CUBN: variants seen among roughly 807,000 people sequenced by gnomAD.
The protein encoded by CUBN is 460 kDa receptor.
In CUBN, 282 loss-of-function variants were observed where a neutral mutation model predicts 405.3. The ratio of observed to expected loss-of-function variants is 0.70; its 90% confidence interval spans 0.63 to 0.77. The LOEUF (loss-of-function observed/expected upper bound fraction) is 0.77. Ranked by LOEUF, CUBN falls within the 30% of genes least tolerant of loss-of-function variation. The pLI is 0.00. For missense variants in CUBN, 4,514 were observed against 4,475.2 expected (o/e 1.01, Z -0.25); for synonymous variants, 1,684 against 1,617.0 (o/e 1.04, Z -0.99).
rs956777973 is a variant in CUBN at position 17,105,676 on chromosome 10, C to T, written c.1112-101G>A. 3 of 728,456 alleles carry T rather than the reference C, an allele frequency of 4.1e-6. No homozygotes were observed. The African/African-American group carries it at 5.2e-5, about 13-fold the overall frequency. The allele number at this position is 728,456 out of a possible 1,614,324, so 45.1% of individuals were successfully genotyped here. On this transcript the variant is annotated intron_variant, in intron 10 of 66. Transcript: ENST00000377833. ...TGCTGTCTAGACAAGGATCCACCAA[C>T]ATCCAGTCTGTGTATTTTGACGGGC...
chr10:17,000,890 G>A (rs1833859314), intron 28 of CUBN, among the ~76,000 whole-genome samples: 1 of 152,232 alleles, frequency 6.6e-6, no homozygotes, highest in Admixed American at 6.5e-5. Context: ...TTCGGAATTG[G>A]TTTCTTCCGG....
At chr10:16,863,858 G>C (rs190635652) in intron 59 of CUBN, among the ~76,000 whole-genome samples, 1 of 151,782 alleles carries the variant, frequency 6.6e-6, no homozygotes, top group South Asian at 2.1e-4. Context: ...TTCATTTAAC[G>C]TGTTTGAGAG....
At chr10:17,058,863 T>G (rs1223947992) in intron 22 of CUBN, among the ~76,000 whole-genome samples, 1 of 152,144 alleles carries the variant, frequency 6.6e-6, no homozygotes, top group African/African-American at 2.4e-5. Context: ...TGCTTATTAT[T>G]ACATCAATAC....
intron 5 of CUBN, 145 bp from the exon 6 acceptor site, chr10:17,123,043 C>T: frequency 1.4e-6 from 1 of 690,514 alleles, no homozygotes; most frequent in Non-Finnish European, 2.7e-6. Flanking sequence ...ATATTAACCC[C>T]TGGCTATTCT....
Position 17,047,477 on chromosome 10 carries a change from T to G in CUBN, c.3266A>C (p.His1089Pro). 6.2e-7 allele frequency: 1 copy of G among 1,614,124 alleles called. No homozygotes were observed. Among genetic ancestry groups the G allele is most frequent in the Non-Finnish European group, 8.5e-7 (1 of 1,179,960 alleles). Residue 1089 changes from histidine to proline, a missense_variant, in exon 23 of 67, where the codon CAC becomes CCC. By Grantham distance (77) the His-to-Pro change is moderately conservative. Transcript: ENST00000377833. ...TVRTGQLIAV[H>P]FTNFSLEEAI... ...TTCCTCCAAGGAGAAGTTTGTGAAG[T>G]GCACTGCAATCAGTTGGCCAGTTCT...
At chr10:17,101,485 C>A (rs1836491545) in intron 13 of CUBN, among the ~76,000 whole-genome samples, 1 of 135,614 alleles carries the variant, frequency 7.4e-6, no homozygotes, top group South Asian at 2.4e-4. Context: ...CGCAAATAGT[C>A]CTCCCTCCTC....
At chr10:17,112,539 T>A (rs534550121) in intron 8 of CUBN, among the ~76,000 whole-genome samples, 1 of 152,198 alleles carries the variant, frequency 6.6e-6, no homozygotes, top group Non-Finnish European at 1.5e-5. Context: ...CTAATTTAAA[T>A]AATTTATTTT....
intron 59 of CUBN, among the ~76,000 whole-genome samples, chr10:16,863,560 T>C (rs992379130): frequency 5.9e-5 from 9 of 151,374 alleles, no homozygotes; most frequent in African/African-American, 2.2e-4. Flanking sequence ...TAGAGACATA[T>C]ACATATATTT....
chr10:17,007,797 G>A lies in CUBN; in HGVS notation c.4168+12036C>T, dbSNP rs182708995. 2.0e-3 allele frequency among the ~76,000 whole-genome samples: 310 copies of A among 152,316 alleles called. 1 individual carries two copies. The highest frequency in any genetic ancestry group is 3.4e-3 in the Non-Finnish European group (231 of 68,026). ...TTCTGAGAACATCCCTTGCGGGGCT[G>A]TGCAAGGAGAAGCCTTTCTAATTAT... On this transcript the variant is annotated intron_variant, in intron 28 of 66. Coordinates refer to ENST00000377833, the MANE Select transcript of CUBN (RefSeq NM_001081.4).
chr10:17,109,793 G>T, intron 9 of CUBN, 58 bp from the exon 10 acceptor site: 2 of 1,339,986 alleles, frequency 1.5e-6, no homozygotes, highest in Non-Finnish European at 2.1e-6. Context: ...GGAGGACAAA[G>T]CCTGTCTAGG....
chr10:16,909,459 C>G (rs961684573), intron 48 of CUBN, among the ~76,000 whole-genome samples: 2 of 152,172 alleles, frequency 1.3e-5, no homozygotes, highest in Admixed American at 6.5e-5. Context: ...TTCAAACCAT[C>G]CCTCTGATTC....
intron 56 of CUBN, among the ~76,000 whole-genome samples, chr10:16,882,755 T>C (rs1840698400): frequency 1.3e-5 from 2 of 152,112 alleles, no homozygotes; most frequent in African/African-American, 4.8e-5. Context: ...GGCTCACACC[T>C]GTAATCCCAA....
At position 17,128,047 on chromosome 10, in the gene CUBN, T is replaced by G. The variant is rs532041137; in HGVS notation, c.253-123A>C. 13 of 668,032 alleles carry G rather than the reference T, an allele frequency of 1.9e-5. No individual in the cohort carries two copies. The East Asian group carries it at 3.6e-4, about 18-fold the overall frequency. The allele number at this position is 668,032 out of a possible 1,614,324, so 41.4% of individuals were successfully genotyped here. On this transcript the variant is annotated intron_variant, in intron 2 of 66. Transcript: ENST00000377833. ...TTAAGCACTAAGATCTTGCCTATTA[T>G]TATAAAAACCAAAACAACACCATGC...
At chr10:16,854,822 TTCCAGGGAACC>T (rs1467009662) in intron 59 of CUBN, among the ~76,000 whole-genome samples, 3 of 152,186 alleles carry the variant, frequency 2.0e-5, no homozygotes, top group African/African-American at 7.2e-5. Flanking sequence ...CACACCCACA[TTCCAGGGAACC>T]CCAGAACAAG....
chr10:17,063,122 A>G (rs543767381), intron 22 of CUBN, among the ~76,000 whole-genome samples: 1 of 152,082 alleles, frequency 6.6e-6, no homozygotes, highest in African/African-American at 2.4e-5. Flanking sequence ...TCCCTAAAAA[A>G]TGCTGCAGGA....
In CUBN at chr10:17,099,789, TTTCAGTGAGCCGTGATCAGGCCAC is replaced by T. The variant is rs201170675; in HGVS notation, c.1765+192_1765+215del. Among the ~76,000 whole-genome samples the T allele has an allele frequency of 0.023, 3,507 of 151,942 alleles. 83 individuals are homozygous for T. Among genetic ancestry groups the T allele is most frequent in the Middle Eastern group, 0.068 (20 of 292 alleles). On this transcript the variant is annotated intron_variant, in intron 14 of 66. Coordinates refer to ENST00000377833, the MANE Select transcript of CUBN (RefSeq NM_001081.4). ...ATCACTTGAGCAAAGGAGGTCGACG[TTTCAGTGAGCCGTGATCAGGCCAC>T]TGCACTCCAGCCTGGGCAACAGAGT...
At chr10:17,074,732 T>C (rs569101793) in intron 17 of CUBN, among the ~76,000 whole-genome samples, 1 of 152,362 alleles carries the variant, frequency 6.6e-6, no homozygotes, top group African/African-American at 2.4e-5. Flanking sequence ...CTTTATTTTG[T>C]CTTCAAGTAC....
rs1007648782 is a variant in CUBN, at chr10:16,890,427, G to C, written c.8699C>G (p.Ala2900Gly). ...TGGTGCCTCCTGAGACTGGAAGACGGCAGTGAATGTGTTACTTGGTGTGAT... is the reference window on the plus strand; with the variant it reads ...TGGTGCCTCCTGAGACTGGAAGACGCCAGTGAATGTGTTACTTGGTGTGAT... Reference protein sequence around the residue: ...PVITPSNTFTAVFQSQEAPAQ... With the variant: ...PVITPSNTFTGVFQSQEAPAQ... Residue 2900 changes from alanine (A) to glycine (G), a missense_variant, in exon 55 of 67, where the codon GCC becomes GGC. By Grantham distance (60) the Ala-to-Gly change is moderately conservative. This residue lies in a region of CUBN where 1,186 missense variants were observed against 1,186.9 expected (regional missense o/e 1.00). Transcript: ENST00000377833. 1 of 1,613,960 alleles carries C rather than the reference G, an allele frequency of 6.2e-7. No homozygotes were observed. The highest frequency in any genetic ancestry group is 1.3e-5 in the African/African-American group (1 of 74,924).
chr10:17,071,789 A>G (rs1357070533), intron 18 of CUBN, 38 bp downstream of exon 18: 1 of 1,600,916 alleles, frequency 6.2e-7, no homozygotes, highest in Non-Finnish European at 8.5e-7. Flanking sequence ...TATTACAATC[A>G]GGCAAATTAG....
Sources: gnomAD v4.1 joint callset for allele counts (sites outside exome capture counted in the v4.1 genomes callset) on GRCh38, gnomAD v4.1.1 for gene constraint, gnomAD v4.1.1 regional missense constraint, MANE v1.5 for transcripts, NCBI Gene and HGNC (gene_info 2026-07-23, HGNC 2026-07-21) for gene names.